TET1: variants seen among roughly 807,000 people sequenced by gnomAD.
TET1 encodes methylcytosine dioxygenase TET1.
TET1 carries 13 observed loss-of-function variants against 148.7 expected under a neutral mutation model. That is an observed-to-expected ratio of 0.09 (90% confidence interval 0.06 to 0.14). The LOEUF (loss-of-function observed/expected upper bound fraction) is 0.14, where lower values mean the gene tolerates loss of function less well. Ranked by LOEUF, TET1 falls within the 10% of genes least tolerant of loss-of-function variation. The pLI is 1.00. For missense variants in TET1, 2,182 were observed against 2,553.8 expected (o/e 0.85, Z 3.14); for synonymous variants, 907 against 937.2 (o/e 0.97, Z 0.59).
intron 2 of TET1, among the ~76,000 whole-genome samples, chr10:68,592,055 C>A (rs955263351): frequency 2.0e-5 from 3 of 152,132 alleles, no homozygotes; most frequent in Non-Finnish European, 4.4e-5. Flanking sequence ...TGGTGGCTCA[C>A]GCCTGTAATC....
At chr10:68,639,388 C>T in intron 3 of TET1, among the ~76,000 whole-genome samples, 1 of 144,696 alleles carries the variant, frequency 6.9e-6, no homozygotes, top group South Asian at 2.1e-4. Flanking sequence ...TGCCACTGCA[C>T]TCCAGCTCGG....
chr10:68,691,495 C>T lies in TET1; in HGVS notation c.6092C>T (p.Thr2031Ile). Reference protein sequence around the residue: ...ECARRELHATTPVEHPNRNHP... With the variant: ...ECARRELHATIPVEHPNRNHP... ...GCCCGGCGAGAGCTGCACGCTACCACTCCTGTTGAGCACCCCAACCGTAAT... is the reference window on the plus strand; with the variant it reads ...GCCCGGCGAGAGCTGCACGCTACCATTCCTGTTGAGCACCCCAACCGTAAT... Residue 2031 changes from threonine (T) to isoleucine (I), a missense_variant, in exon 12 of 12, where the codon ACT becomes ATT. Physicochemically the swap from Thr to Ile is moderately conservative, Grantham distance 89. Coordinates refer to ENST00000373644, the MANE Select transcript of TET1 (RefSeq NM_030625.3). This position sits in a 1 kb window ranked among gnomAD's most constrained non-coding sequence, Gnocchi z 4.4. The T allele has an allele frequency of 6.2e-7, 1 of 1,614,078 alleles. No individual in the cohort carries two copies. Among genetic ancestry groups the T allele is most frequent in the Non-Finnish European group, 8.5e-7 (1 of 1,180,030 alleles).
In TET1 at chr10:68,646,772, A is replaced by C; in HGVS notation, c.4043A>C (p.Glu1348Ala). Residue 1348 changes from glutamate (E) to alanine (A), a missense_variant, in exon 4 of 12, where the codon GAG (glutamate) becomes GCG (alanine). Glu to Ala is a moderately radical substitution (Grantham distance 107). This residue lies in a region of TET1 where 582 missense variants were observed against 599.5 expected (regional missense o/e 0.97). Transcript: ENST00000373644. ...ATCTCTCATGAAACACCCTTACCGGAGTCAGCACTAACTCTCAGGAATGTA... is the reference window on the plus strand; with the variant it reads ...ATCTCTCATGAAACACCCTTACCGGCGTCAGCACTAACTCTCAGGAATGTA... ...PGISHETPLP[E>A]SALTLRNVNV... is the part of the protein sequence containing the mutation. The C allele has an allele frequency of 2.5e-6, 4 of 1,614,170 alleles. No homozygotes were observed. Among genetic ancestry groups the C allele is most frequent in the Non-Finnish European group, 3.4e-6 (4 of 1,180,026 alleles).
At position 68,632,234 on chromosome 10, in the gene TET1, A is replaced by G. The variant is rs562499642; in HGVS notation, c.1969-12464A>G. ...CTACTCAGGAGGCTGAGGCAGGAGA[A>G]TGGCGTGAACCCGGGAGGCGGAGCT... On this transcript the variant is annotated intron_variant, in intron 3 of 11. Coordinates refer to ENST00000373644, the MANE Select transcript of TET1 (RefSeq NM_030625.3). 465 of 688,924 alleles carry G rather than the reference A, an allele frequency of 6.7e-4. 5 individuals are homozygous for G. In the South Asian group the frequency reaches 8.0e-3, roughly 12 times the overall value. The allele number at this position is 688,924 out of a possible 1,614,324, so 42.7% of individuals were successfully genotyped here.
chr10:68,645,979 C>T lies in TET1; in HGVS notation c.3250C>T (p.Leu1084Phe), dbSNP rs1364952858. ...EEDVATQLTQLASIIKINYIK... is the reference protein window; with the variant it reads ...EEDVATQLTQFASIIKINYIK... ...AGATGTTGCAACACAGTTGACACAA[C>T]TTGCTTCGATAATTAAGATCAATTA... The change falls in exon 4 of 12, where the codon CTT becomes TTT. Residue 1084 changes from leucine (L) to phenylalanine (F), a missense_variant. Physicochemically the swap from Leu to Phe is conservative, Grantham distance 22 (BLOSUM62 0). Transcript: ENST00000373644. The T allele has an allele frequency of 2.5e-6, 4 of 1,614,008 alleles. No homozygotes were observed. The highest frequency in any genetic ancestry group is 3.4e-6 in the Non-Finnish European group (4 of 1,180,026).
chr10:68,641,471 C>T (rs997914026), intron 3 of TET1, among the ~76,000 whole-genome samples: 1 of 148,244 alleles, frequency 6.7e-6, no homozygotes, highest in African/African-American at 2.5e-5. Context: ...AGGAGGTTAC[C>T]ATTTATTTAT....
chr10:68,622,234 CT>C (rs2054387467), intron 3 of TET1, among the ~76,000 whole-genome samples: 1 of 142,908 alleles, frequency 7.0e-6, no homozygotes, highest in Non-Finnish European at 1.5e-5. Context: ...TCCTTCCTCC[CT>C]TCCCTCCCTC....
intron 2 of TET1, among the ~76,000 whole-genome samples, chr10:68,592,146 T>C (rs10823233): frequency 0.49 from 74,860 of 151,636 alleles, 19,061 homozygotes; most frequent in East Asian, 0.56. Flanking sequence ...GGTGAAACCT[T>C]GTCTCTACTA....
At position 68,646,406 on chromosome 10, in the gene TET1, C is replaced by G. The variant is rs773912826; in HGVS notation, c.3677C>G (p.Thr1226Arg). 2 of 1,614,128 alleles carry G rather than the reference C, an allele frequency of 1.2e-6. No individual in the cohort carries two copies. The highest frequency in any genetic ancestry group is 3.3e-5 in the Admixed American group (2 of 60,018). Residue 1226 changes from threonine to arginine, a missense_variant, in exon 4 of 12, where the codon ACG (threonine) becomes AGG (arginine). By Grantham distance (71) the Thr-to-Arg change is moderately conservative. Coordinates refer to ENST00000373644, the MANE Select transcript of TET1 (RefSeq NM_030625.3). ...AAAATATGGAAACCACTGGCTCAAA[C>G]GAGGTCCATTATGCAACCCAAAACA... ...STKIWKPLAQ[T>R]RSIMQPKTVF...
intron 1 of TET1, among the ~76,000 whole-genome samples, chr10:68,563,555 AT>A (rs2053576589): frequency 6.6e-6 from 1 of 152,240 alleles, no homozygotes; most frequent in South Asian, 2.1e-4. Context: ...TATGACTTTA[AT>A]TTAACATGCA....
chr10:68,668,814 A>G lies in TET1; in HGVS notation c.4673+1558A>G, dbSNP rs532526432. On this transcript the variant is annotated intron_variant, in intron 7 of 11. Coordinates refer to ENST00000373644, the MANE Select transcript of TET1 (RefSeq NM_030625.3). ...CAACATAGTAAGACTCCATCTCTAC[A>G]AAAATATTTTTTTAAAAAAACTGTT... Among the ~76,000 whole-genome samples the G allele has an allele frequency of 2.6e-5, 4 of 152,326 alleles. No homozygotes were observed. In the East Asian group the frequency reaches 7.7e-4, roughly 29 times the overall value.
chr10:68,563,773 CG>C (rs1452654893), intron 1 of TET1, among the ~76,000 whole-genome samples: 3 of 152,224 alleles, frequency 2.0e-5, no homozygotes, highest in African/African-American at 7.2e-5. Flanking sequence ...CCTCTGCCTC[CG>C]GGGTTCAAGC....
At position 68,681,508 on chromosome 10, in the gene TET1, T is replaced by A; in HGVS notation, c.4914+20T>A. ...AATCAGGTATGTATTGGTATGAACT[T>A]TTTATTTATTTATTAATTTGAGGTG... On this transcript the variant is annotated intron_variant, in intron 9 of 11. Coordinates refer to ENST00000373644, the MANE Select transcript of TET1 (RefSeq NM_030625.3). The A allele has an allele frequency of 1.3e-6, 2 of 1,535,284 alleles. No homozygotes were observed. Among genetic ancestry groups the A allele is most frequent in the Non-Finnish European group, 1.8e-6 (2 of 1,112,716 alleles).
chr10:68,645,827 A>G lies in TET1; in HGVS notation c.3098A>G (p.Asn1033Ser). ...ATAATTACTCTTGACAATTGTTCCA[A>G]TGATTTGCATCAGTTGCCACCAAGA... The part of the protein sequence containing the change: ...QGIITLDNCS[N>S]DLHQLPPRNN... Residue 1033 changes from asparagine (N) to serine (S), a missense_variant, in exon 4 of 12, where the codon AAT (asparagine) becomes AGT (serine). Asn to Ser is a conservative substitution (Grantham distance 46). Around this residue, in one of 11 missense-constraint regions of TET1, gnomAD observed 582 missense variants for 599.5 expected, o/e 0.97. Coordinates refer to ENST00000373644, the MANE Select transcript of TET1 (RefSeq NM_030625.3). The G allele has an allele frequency of 1.2e-6, 2 of 1,614,152 alleles. No individual in the cohort carries two copies. The highest frequency in any genetic ancestry group is 1.7e-6 in the Non-Finnish European group (2 of 1,180,016).
At chr10:68,667,391 C>A (rs1182341417) in intron 7 of TET1, 135 bp downstream of exon 7, 2 of 790,568 alleles carry the variant, frequency 2.5e-6, no homozygotes, top group Non-Finnish European at 4.0e-6. Context: ...AAAGAATGAA[C>A]ATTTCTGTAA....
chr10:68,590,632 G>T (rs1388563545), intron 2 of TET1, among the ~76,000 whole-genome samples: 3 of 151,672 alleles, frequency 2.0e-5, no homozygotes, highest in Non-Finnish European at 4.4e-5. Flanking sequence ...TTTGAGACCA[G>T]CCTGGGCAAC....
At position 68,595,001 on chromosome 10, in the gene TET1, A is replaced by G. The variant is rs142863411; in HGVS notation, c.1915-5980A>G. Among the ~76,000 whole-genome samples the G allele has an allele frequency of 6.2e-3, 931 of 151,124 alleles. 16 individuals carry two copies. The highest frequency in any genetic ancestry group is 0.022 in the African/African-American group (890 of 41,206). On this transcript the variant is annotated intron_variant, in intron 2 of 11. Transcript: ENST00000373644. Reference sequence around the variant, plus strand: ...ATCTCAAAAAAAAAAAAAAAAGAAGAAAAGAAAAAAAAAATTAGCTTGTTG... The same window carrying G: ...ATCTCAAAAAAAAAAAAAAAAGAAGGAAAGAAAAAAAAAATTAGCTTGTTG...
Position 68,645,409 on chromosome 10 carries a change from A to G in TET1, c.2680A>G (p.Ile894Val), listed in dbSNP as rs1366020378. Residue 894 changes from isoleucine (I) to valine (V), a missense_variant, in exon 4 of 12, where the codon ATA becomes GTA. By Grantham distance (29) the Ile-to-Val change is conservative. Transcript: ENST00000373644. ...ATTAACATTGGAGCAAGTGGTAGCC[A>G]TAGAGGCCCTGACTCAACTCTCAGA... ...RRLTLEQVVAIEALTQLSEAP... is the reference protein window; with the variant it reads ...RRLTLEQVVAVEALTQLSEAP... The G allele has an allele frequency of 6.2e-7, 1 of 1,614,092 alleles. No individual in the cohort carries two copies. Among genetic ancestry groups the G allele is most frequent in the Non-Finnish European group, 8.5e-7 (1 of 1,180,048 alleles).
chr10:68,607,217 A>G (rs1589070461), intron 3 of TET1, among the ~76,000 whole-genome samples: 1 of 152,042 alleles, frequency 6.6e-6, no homozygotes, highest in African/African-American at 2.4e-5. Context: ...ACAAAAGAAC[A>G]TATGCCTTGT....
Sources: gnomAD v4.1 joint callset for allele counts (sites outside exome capture counted in the v4.1 genomes callset) on GRCh38, gnomAD v4.1.1 for gene constraint, gnomAD v4.1.1 regional missense constraint, Gnocchi (gnomAD v3.1) non-coding constraint, MANE v1.5 for transcripts, NCBI Gene and HGNC (gene_info 2026-07-23, HGNC 2026-07-21) for gene names.